The following PUDP variants were observed in gnomAD, a reference collection of about 807,000 sequenced individuals.
PUDP encodes the protein pseudouridine 5'-phosphatase.
In PUDP, 8 loss-of-function variants were observed where a neutral mutation model predicts 9.4. That is an observed-to-expected ratio of 0.85 (90% CI 0.50 to 1.53). The LOEUF (loss-of-function observed/expected upper bound fraction) is 1.53. Ranked by LOEUF, PUDP falls within the 40% of genes most tolerant of loss-of-function variation. The pLI is 0.00. For missense variants in PUDP, 188 were observed against 189.7 expected, an observed-to-expected ratio of 0.99 and a Z score of 0.05; for synonymous variants, 99 against 80.7, an observed-to-expected ratio of 1.23 and a Z score of -1.22.
At chrX:6,804,470 C>G (rs971452671) in intron 3 of PUDP, among the ~76,000 whole-genome samples, 5 of 111,784 alleles carry the variant, frequency 4.5e-5, no homozygotes, top group Non-Finnish European at 9.4e-5. Flanking sequence ...TTTATAGTGT[C>G]TATTGAATGG....
At chrX:6,952,724 G>A (rs1387032030) in intron 3 of PUDP, among the ~76,000 whole-genome samples, 1 of 110,997 alleles carries the variant, frequency 9.0e-6, no homozygotes, top group Non-Finnish European at 1.9e-5. Flanking sequence ...TAAAAGAGGT[G>A]GTAAGGAGCT....
intron 3 of PUDP, among the ~76,000 whole-genome samples, chrX:6,852,224 G>T (rs904675268): frequency 8.9e-6 from 1 of 112,280 alleles, no homozygotes; most frequent in Non-Finnish European, 1.9e-5. Flanking sequence ...CTCCCTGCAA[G>T]ACATTGGAAG....
intron 3 of PUDP, among the ~76,000 whole-genome samples, chrX:6,957,856 A>G (rs895346082): frequency 2.7e-5 from 3 of 112,163 alleles, no homozygotes; most frequent in Non-Finnish European, 5.6e-5. Context: ...ATGCTGGTAG[A>G]AAAGAGTAAA....
intron 3 of PUDP, among the ~76,000 whole-genome samples, chrX:6,811,727 C>T (rs1227600359): frequency 9.0e-6 from 1 of 111,526 alleles, no homozygotes; most frequent in Non-Finnish European, 1.9e-5. Context: ...AGTGATCCTC[C>T]TGGCTTGGCC....
At chrX:7,109,045 T>C (rs1325958807) in intron 1 of PUDP, among the ~76,000 whole-genome samples, 1 of 111,921 alleles carries the variant, frequency 8.9e-6, no homozygotes, top group Non-Finnish European at 1.9e-5. Context: ...AGTAACAACC[T>C]GAGTAACTCA....
intron 3 of PUDP, among the ~76,000 whole-genome samples, chrX:6,768,374 T>C (rs1050752952): frequency 8.9e-6 from 1 of 112,238 alleles, no homozygotes; most frequent in African/African-American, 3.2e-5. Flanking sequence ...TAGCATAGGA[T>C]TTAAGAACAT....
intron 3 of PUDP, among the ~76,000 whole-genome samples, chrX:6,931,871 AAAC>A (rs1326621474): frequency 9.0e-6 from 1 of 111,353 alleles, no homozygotes; most frequent in Non-Finnish European, 1.9e-5. Context: ...AAAAACAAAC[AAAC>A]AACAACAACA....
intron 1 of PUDP, among the ~76,000 whole-genome samples, chrX:7,112,604 G>C (rs1177492087): frequency 8.9e-6 from 1 of 112,372 alleles, no homozygotes; most frequent in Non-Finnish European, 1.9e-5. Context: ...GGCTGATCTT[G>C]AGTTAGAATC....
chrX:7,068,988 C>T (rs942610327), intron 3 of PUDP, among the ~76,000 whole-genome samples: 4 of 112,002 alleles, frequency 3.6e-5, no homozygotes, highest in African/African-American at 1.3e-4. Context: ...ACAGTGACAA[C>T]AAGTAGCAGA....
At chrX:6,737,032 A>G (rs1924880853) in intron 3 of PUDP, among the ~76,000 whole-genome samples, 1 of 111,634 alleles carries the variant, frequency 9.0e-6, no homozygotes, top group African/African-American at 3.3e-5. Context: ...GGAGGCAGAG[A>G]GACATCTGTC....
intron 1 of PUDP, among the ~76,000 whole-genome samples, chrX:7,132,646 G>A (rs960376596): frequency 8.9e-6 from 1 of 112,061 alleles, no homozygotes; most frequent in East Asian, 2.8e-4. Flanking sequence ...CGCACACAAA[G>A]TCTAAGGTCA....
chrX:6,973,181 GAA>G (rs776214956), intron 3 of PUDP, among the ~76,000 whole-genome samples: 1 of 111,259 alleles, frequency 9.0e-6, no homozygotes, highest in African/African-American at 3.3e-5. Flanking sequence ...TTGATTTTTT[GAA>G]GAGTTTTTCA....
upstream of PUDP, among the ~76,000 whole-genome samples, chrX:6,725,242 T>A (rs1281006746): frequency 1.4e-4 from 16 of 112,178 alleles, no homozygotes; most frequent in Non-Finnish European, 1.3e-4. Context: ...ATATATTGTC[T>A]TGTCTTGCAT....
intron 3 of PUDP, among the ~76,000 whole-genome samples, chrX:6,891,884 C>G (rs191699703): frequency 9.0e-6 from 1 of 111,650 alleles, no homozygotes; most frequent in South Asian, 3.7e-4. Flanking sequence ...ATAAACTAAC[C>G]GAGTCAACTT....
chrX:7,145,939 G>A (rs2146942223), intron 1 of PUDP, among the ~76,000 whole-genome samples: 1 of 112,256 alleles, frequency 8.9e-6, no homozygotes, highest in African/African-American at 3.2e-5. Context: ...ACTGAAGTGA[G>A]GTGCTAAAGA....
intron 3 of PUDP, among the ~76,000 whole-genome samples, chrX:6,799,804 C>A (rs1925901633): frequency 9.1e-6 from 1 of 110,428 alleles, no homozygotes; most frequent in African/African-American, 3.3e-5. Context: ...CCATTGCACT[C>A]CAGCCTGGAC....
chrX:6,860,185 T>C (rs919704627), intron 3 of PUDP, among the ~76,000 whole-genome samples: 3 of 111,752 alleles, frequency 2.7e-5, no homozygotes, highest in Non-Finnish European at 5.6e-5. Flanking sequence ...TCTTGCTATG[T>C]TGCCCAGGCT....
chrX:6,894,594 GAACA>G lies in PUDP; in HGVS notation c.*247+82535_*247+82538del, dbSNP rs775713248. ...GTCTGACATCAGCTCCATTTTCTGAGAACAAACAGCCAAAAAAGACTCACTGGAG... is the reference window on the plus strand; with the variant it reads ...GTCTGACATCAGCTCCATTTTCTGAGAACAGCCAAAAAAGACTCACTGGAG... On this transcript the variant is annotated intron_variant and NMD_transcript_variant, in intron 3 of 3. Transcript: ENST00000655425. 7.2e-4 allele frequency among the ~76,000 whole-genome samples: 81 copies of G among 112,065 alleles called. 1 individual carries two copies. Among genetic ancestry groups the G allele is most frequent in the Middle Eastern group, 4.6e-3 (1 of 218 alleles).
chrX:7,059,984 T>C (rs890099042), intron 3 of PUDP, among the ~76,000 whole-genome samples: 1 of 111,830 alleles, frequency 8.9e-6, no homozygotes, highest in African/African-American at 3.3e-5. Flanking sequence ...ATTAAAAGAC[T>C]TCGTGATTAA....
Sources: gnomAD v4.1 joint callset for allele counts (sites outside exome capture counted in the v4.1 genomes callset) on GRCh38, gnomAD v4.1.1 for gene constraint, MANE v1.5 for transcripts, NCBI Gene and HGNC (gene_info 2026-07-23, HGNC 2026-07-21) for gene names.